CNBD1: variants seen among roughly 807,000 people sequenced by gnomAD.
CNBD1 encodes cyclic nucleotide-binding domain-containing protein 1.
CNBD1 carries 71 observed loss-of-function variants against 54.4 expected under a neutral mutation model. The observed-to-expected ratio is 1.30, with a 90% CI of 1.08 to 1.59. CNBD1 has a LOEUF of 1.59. Among genes scored for constraint, CNBD1 ranks in the 40% most tolerant of loss-of-function variants. The pLI, the probability that CNBD1 is intolerant of heterozygous loss-of-function variation, is 0.00. For synonymous variants in CNBD1, 182 were observed against 170.7 expected (o/e 1.07, Z -0.51); for missense variants, 659 against 518.0 (o/e 1.27, Z -2.64).
At chr8:86,984,163 G>T in intron 4 of CNBD1, among the ~76,000 whole-genome samples, 1 of 152,194 alleles carries the variant, frequency 6.6e-6, no homozygotes, top group Non-Finnish European at 1.5e-5. Flanking sequence ...TTGGGCTGTG[G>T]CTTCAGAGGG....
chr8:87,148,705 G>A (rs1812540471), intron 4 of CNBD1, among the ~76,000 whole-genome samples: 2 of 152,174 alleles, frequency 1.3e-5, no homozygotes, highest in Non-Finnish European at 2.9e-5. Flanking sequence ...CTGCCCTGAT[G>A]AAGAGGGATC....
At chr8:87,028,844 A>G (rs780152266) in intron 4 of CNBD1, among the ~76,000 whole-genome samples, 1 of 152,226 alleles carries the variant, frequency 6.6e-6, no homozygotes, top group Non-Finnish European at 1.5e-5. Flanking sequence ...CTGTTCATCT[A>G]CAAAAACTGT....
Position 87,237,001 on chromosome 8 carries a change from A to C in CNBD1, c.660A>C (p.Gly220=). The change falls in exon 6 of 11, where the codon GGA becomes GGC. Residue 220 remains glycine, a synonymous_variant. Coordinates refer to ENST00000518476, the MANE Select transcript of CNBD1 (RefSeq NM_173538.3). Reference sequence around the variant, plus strand: ...ACGTGTATAAAAATCTGATTGAAGGAAGTGATTCACCAGACTCGTTCATAT... The same window carrying C: ...ACGTGTATAAAAATCTGATTGAAGGCAGTGATTCACCAGACTCGTTCATAT... ...QTNVYKNLIE[G]SDSPDSFISQ... 1 of 1,612,280 alleles carries C rather than the reference A, an allele frequency of 6.2e-7. No homozygotes were observed.
At chr8:87,425,506 G>A (rs1009017130) in intron 2 of CNBD1, among the ~76,000 whole-genome samples, 10 of 152,296 alleles carry the variant, frequency 6.6e-5, no homozygotes, top group East Asian at 1.9e-4. Context: ...TGGTGTGGAT[G>A]TCCTTTCTGT....
At chr8:87,016,774 G>T (rs975689767) in intron 4 of CNBD1, among the ~76,000 whole-genome samples, 2 of 152,142 alleles carry the variant, frequency 1.3e-5, no homozygotes, top group Non-Finnish European at 2.9e-5. Flanking sequence ...TCCTAAAAAA[G>T]CAATCAGCCT....
intron 2 of CNBD1, among the ~76,000 whole-genome samples, chr8:87,398,671 G>A (rs1811449333): frequency 6.6e-6 from 1 of 151,954 alleles, no homozygotes; most frequent in South Asian, 2.1e-4. Context: ...ATCACTGCAA[G>A]TCTCAGGGAG....
chr8:87,281,804 T>A (rs976762525), intron 6 of CNBD1, among the ~76,000 whole-genome samples: 14 of 151,114 alleles, frequency 9.3e-5, no homozygotes, highest in African/African-American at 3.4e-4. Context: ...GAAAGTTATC[T>A]CCCTAATCCT....
At chr8:87,234,360 G>A (rs1024402720) in intron 5 of CNBD1, among the ~76,000 whole-genome samples, 1 of 152,042 alleles carries the variant, frequency 6.6e-6, no homozygotes, top group African/African-American at 2.4e-5. Context: ...TTATGTCTAT[G>A]GTAGCTATAG....
chr8:87,334,973 C>A (rs1328627425), intron 8 of CNBD1, among the ~76,000 whole-genome samples: 1 of 152,010 alleles, frequency 6.6e-6, no homozygotes, highest in Non-Finnish European at 1.5e-5. Flanking sequence ...ATCCACCCAC[C>A]TCGGCCTCCC....
chr8:87,319,402 TA>T lies in CNBD1; in HGVS notation c.1043-32281del, dbSNP rs1483474609. Among the ~76,000 whole-genome samples the T allele has an allele frequency of 1.8e-4, 28 of 152,240 alleles. 1 individual carries two copies. The East Asian group carries it at 5.2e-3, about 28-fold the overall frequency. ...CTATAGCAGTAATAAAACCAACAGG[TA>T]ATGAATACAATTCTCTTCTCCTTTG... On this transcript the variant is annotated intron_variant, in intron 8 of 10. Coordinates refer to ENST00000518476, the MANE Select transcript of CNBD1 (RefSeq NM_173538.3).
intron 4 of CNBD1, among the ~76,000 whole-genome samples, chr8:87,009,353 T>G (rs1809167649): frequency 6.6e-6 from 1 of 152,120 alleles, no homozygotes; most frequent in African/African-American, 2.4e-5. Context: ...CAGGCTGGAG[T>G]GCAGTGGAGT....
chr8:87,354,860 T>TA (rs200603502), intron 10 of CNBD1, among the ~76,000 whole-genome samples: 3,656 of 152,244 alleles, frequency 0.024, 150 homozygotes, highest in African/African-American at 0.08. Flanking sequence ...AGTGCCGCAA[T>TA]AACATACGTA....
At chr8:87,192,086 A>C (rs776580883) in intron 4 of CNBD1, among the ~76,000 whole-genome samples, 2 of 152,206 alleles carry the variant, frequency 1.3e-5, no homozygotes, top group African/African-American at 2.4e-5. Flanking sequence ...TCAAAATGAT[A>C]AAAAATTGTT....
intron 4 of CNBD1, among the ~76,000 whole-genome samples, chr8:86,953,001 A>G (rs1398193017): frequency 2.6e-5 from 4 of 152,210 alleles, no homozygotes; most frequent in Non-Finnish European, 5.9e-5. Flanking sequence ...ATTATTTTTT[A>G]GTCTAGCGTT....
chr8:86,923,061 G>A (rs1454744256), intron 3 of CNBD1, among the ~76,000 whole-genome samples: 1 of 152,122 alleles, frequency 6.6e-6, no homozygotes, highest in African/African-American at 2.4e-5. Flanking sequence ...GGTCCTTGGC[G>A]TTTTTAACAA....
chr8:86,942,759 A>G (rs1318614344), intron 4 of CNBD1, among the ~76,000 whole-genome samples: 1 of 152,194 alleles, frequency 6.6e-6, no homozygotes, highest in Admixed American at 6.5e-5. Flanking sequence ...ACATTTAAGG[A>G]AAGGGGATTG....
intron 6 of CNBD1, among the ~76,000 whole-genome samples, chr8:87,242,966 G>A (rs1807735587): frequency 6.6e-6 from 1 of 152,200 alleles, no homozygotes; most frequent in Non-Finnish European, 1.5e-5. Flanking sequence ...GGGAGGAAAT[G>A]TGGTAAAATC....
At chr8:86,890,963 G>GTTGT (rs141535810) in intron 2 of CNBD1, among the ~76,000 whole-genome samples, 75,910 of 151,036 alleles carry the variant, frequency 0.5, 19,200 homozygotes, top group South Asian at 0.58. Context: ...TTGCTACTGA[G>GTTGT]TTGAGTTCCT....
intron 4 of CNBD1, among the ~76,000 whole-genome samples, chr8:87,000,869 A>C (rs2130544440): frequency 6.6e-6 from 1 of 152,142 alleles, no homozygotes; most frequent in South Asian, 2.1e-4. Context: ...TTTTCTTTGA[A>C]GTTTATCCAT....
Sources: gnomAD v4.1 joint callset for allele counts (sites outside exome capture counted in the v4.1 genomes callset) on GRCh38, gnomAD v4.1.1 for gene constraint, MANE v1.5 for transcripts, NCBI Gene and HGNC (gene_info 2026-07-23, HGNC 2026-07-21) for gene names.